The following TMCC3 variants were observed in gnomAD, a reference collection of about 807,000 sequenced individuals.
The protein encoded by TMCC3 is transmembrane and coiled-coil domain family 3.
In TMCC3, 28 loss-of-function variants were observed where a neutral mutation model predicts 40.2. That is an observed-to-expected ratio of 0.70 (90% CI 0.52 to 0.95). The LOEUF (loss-of-function observed/expected upper bound fraction) is 0.95, where lower values mean the gene tolerates loss of function less well. Ranked by LOEUF, TMCC3 falls within the 40% of genes least tolerant of loss-of-function variation. The pLI, the probability that TMCC3 is intolerant of heterozygous loss-of-function variation, is 0.00. For synonymous variants in TMCC3, 255 were observed against 248.5 expected (o/e 1.03, Z -0.25); for missense variants, 554 against 615.2 (o/e 0.90, Z 1.05).
At chr12:94,623,842 C>G (rs529384189) in intron 1 of TMCC3, among the ~76,000 whole-genome samples, 1 of 152,332 alleles carries the variant, frequency 6.6e-6, no homozygotes, top group African/African-American at 2.4e-5. Flanking sequence ...ATGTGCAGTA[C>G]CATCGGCAAA....
intron 1 of TMCC3, among the ~76,000 whole-genome samples, chr12:94,594,812 A>G (rs182591334): frequency 4.9e-4 from 74 of 152,242 alleles, no homozygotes; most frequent in Non-Finnish European, 9.7e-4. Context: ...CCCCTAAAAC[A>G]CACAGGGTGG....
chr12:94,575,771 G>A lies in TMCC3; in HGVS notation c.1131+2623C>T, dbSNP rs2068560685. ...ATGCTCTAAAATAGAACGACTTCGT[G>A]AAGCAATTGTACTGTTCACTTGGCA... On this transcript the variant is annotated intron_variant, in intron 3 of 3. Coordinates refer to ENST00000261226, the MANE Select transcript of TMCC3 (RefSeq NM_020698.4). Among the ~76,000 whole-genome samples the A allele has an allele frequency of 2.0e-5, 3 of 152,118 alleles. No homozygotes were observed. In the South Asian group the frequency reaches 6.2e-4, roughly 32 times the overall value.
chr12:94,577,263 A>G (rs2068571093), intron 3 of TMCC3, among the ~76,000 whole-genome samples: 1 of 152,058 alleles, frequency 6.6e-6, no homozygotes, highest in Non-Finnish European at 1.5e-5. Context: ...ATCTCGGCTC[A>G]TTGCAACCTC....
intron 1 of TMCC3, among the ~76,000 whole-genome samples, chr12:94,597,155 A>ATATG (rs1220781609): frequency 7.0e-5 from 1 of 14,350 alleles, no homozygotes; most frequent in East Asian, 8.6e-4. Flanking sequence ...ATATATATAT[A>ATATG]TATGTATATA....
rs12304755 is a variant in TMCC3 at position 94,586,967 on chromosome 12, T to G, written c.79-4429A>C. On this transcript the variant is annotated intron_variant, in intron 1 of 3. Coordinates refer to ENST00000261226, the MANE Select transcript of TMCC3 (RefSeq NM_020698.4). Reference sequence around the variant, plus strand: ...GGAACTATTACTGGGCTGCTCCTTTTGCCCTTTTATAACCCTAGCTAGCAC... The same window carrying G: ...GGAACTATTACTGGGCTGCTCCTTTGGCCCTTTTATAACCCTAGCTAGCAC... Among the ~76,000 whole-genome samples, 1,127 of 152,368 alleles carry G rather than the reference T, an allele frequency of 7.4e-3. 10 individuals carry two copies. The highest frequency in any genetic ancestry group is 0.026 in the African/African-American group (1,073 of 41,590).
chr12:94,582,231 A>G lies in TMCC3; in HGVS notation c.386T>C (p.Leu129Pro). The stretch of plus-strand genomic sequence containing the variant: ...ATGATACTGCTCTAACTTCTTCTGC[A>G]GCTGGGCGATGGAGTGAGCTGATTT... ...NQKSAHSIAQLQKKLEQYHRK... is the reference protein window; with the variant it reads ...NQKSAHSIAQPQKKLEQYHRK... Residue 129 changes from leucine (L) to proline (P), a missense_variant, in exon 2 of 4, where the codon CTG becomes CCG. Transcript: ENST00000261226. 3.7e-6 allele frequency: 6 copies of G among 1,614,186 alleles called. No homozygotes were observed. The highest frequency in any genetic ancestry group is 5.1e-6 in the Non-Finnish European group (6 of 1,180,038).
At position 94,624,237 on chromosome 12, in the gene TMCC3, G is replaced by A. The variant is rs1200914587; in HGVS notation, c.78+26116C>T. ...AAACACTCTGGCAGTTCCTCCAAAG[G>A]TTAAACAGAATTACCATATGACCCA... On this transcript the variant is annotated intron_variant, in intron 1 of 3. Transcript: ENST00000261226. 2.6e-5 allele frequency among the ~76,000 whole-genome samples: 4 copies of A among 152,254 alleles called. No individual in the cohort carries two copies. The East Asian group carries it at 7.7e-4, about 29-fold the overall frequency.
chr12:94,571,168 C>A lies in TMCC3; in HGVS notation c.*267G>T. On this transcript the variant is annotated 3_prime_UTR_variant, in exon 4 of 4. Transcript: ENST00000261226. ...TCTCAATATACAGAGGTTTACCACGCTGGGCTGGTCAGGTGGGCAGGAAAT... is the reference window on the plus strand; with the variant it reads ...TCTCAATATACAGAGGTTTACCACGATGGGCTGGTCAGGTGGGCAGGAAAT... 2.1e-6 allele frequency: 1 copy of A among 478,400 alleles called. No individual in the cohort carries two copies. The highest frequency in any genetic ancestry group is 3.8e-6 in the Non-Finnish European group (1 of 264,614). 29.6% of individuals were successfully genotyped at this position (478,400 alleles called of 1,614,324 possible). A position where few individuals can be genotyped will look rare whatever the true frequency, so the allele number is the denominator to read the frequency against.
At chr12:94,622,655 A>G (rs2138869511) in intron 1 of TMCC3, among the ~76,000 whole-genome samples, 1 of 152,286 alleles carries the variant, frequency 6.6e-6, no homozygotes. Flanking sequence ...ATCTGGTCGG[A>G]CATTTTCCAT....
intron 1 of TMCC3, among the ~76,000 whole-genome samples, chr12:94,635,822 A>G (rs1320912281): frequency 1.3e-5 from 2 of 152,076 alleles, no homozygotes; most frequent in Admixed American, 6.5e-5. Flanking sequence ...GCCCGCCACC[A>G]TGCCCAGCTA....
intron 1 of TMCC3, among the ~76,000 whole-genome samples, chr12:94,619,078 C>T (rs77281774): frequency 0.011 from 1,690 of 152,272 alleles, 16 homozygotes; most frequent in Non-Finnish European, 0.018. Flanking sequence ...ACTACTGAGA[C>T]GTAATCCTTT....
chr12:94,611,212 T>A (rs1362883937), intron 1 of TMCC3, among the ~76,000 whole-genome samples: 1 of 152,152 alleles, frequency 6.6e-6, no homozygotes, highest in Non-Finnish European at 1.5e-5. Context: ...AAAAGAGAAA[T>A]TTTAAATCCC....
intron 1 of TMCC3, among the ~76,000 whole-genome samples, chr12:94,609,301 C>T (rs971762424): frequency 6.6e-6 from 1 of 152,092 alleles, no homozygotes; most frequent in African/African-American, 2.4e-5. Flanking sequence ...AGTAGCAAGC[C>T]AGGGTTTGAA....
Position 94,614,658 on chromosome 12 carries a change from G to A in TMCC3, c.79-32120C>T, listed in dbSNP as rs550551206. 1.9e-3 allele frequency among the ~76,000 whole-genome samples: 294 copies of A among 152,188 alleles called. 1 individual carries two copies. Among genetic ancestry groups the A allele is most frequent in the African/African-American group, 6.8e-3 (281 of 41,506 alleles). The stretch of plus-strand genomic sequence containing the variant: ...TTCCAATTGAAACTGTGTGCATCAA[G>A]CTCTGTCAACTGTTGCACTCACAGT... On this transcript the variant is annotated intron_variant, in intron 1 of 3. Coordinates refer to ENST00000261226, the MANE Select transcript of TMCC3 (RefSeq NM_020698.4).
intron 3 of TMCC3, 82 bp downstream of exon 3, chr12:94,578,312 T>G: frequency 1.3e-6 from 2 of 1,500,998 alleles, no homozygotes; most frequent in South Asian, 2.6e-5. Context: ...CTCTAGGACT[T>G]AGGCATAAAC....
chr12:94,571,712 C>T lies in TMCC3; in HGVS notation c.1157G>A (p.Arg386His), dbSNP rs145957204. 1,105 of 1,613,986 alleles carry T rather than the reference C, an allele frequency of 6.8e-4. No homozygotes were observed. Among genetic ancestry groups the T allele is most frequent in the Non-Finnish European group, 8.8e-4 (1,034 of 1,179,952 alleles). ...CTGGTGGAGCTCCAGCTTAGAAATG[C>T]GAGTCTGGCAGGATTCCAAGGCTTC... ...IQEALESCQT[R>H]ISKLELHQQE... The change falls in exon 4 of 4, where the codon CGC becomes CAC. Residue 386 changes from arginine to histidine, a missense_variant. Physicochemically the swap from Arg to His is conservative, Grantham distance 29. Transcript: ENST00000261226.
rs200850343 is a variant in TMCC3 at position 94,598,564 on chromosome 12, T to TA, written c.79-16027dup. 2,078 of 984,982 alleles carry TA rather than the reference T, an allele frequency of 2.1e-3. 24 individuals carry two copies. In the African/African-American group the frequency reaches 0.027, roughly 13 times the overall value. 61.0% of individuals were successfully genotyped at this position (984,982 alleles called of 1,614,324 possible). The stretch of plus-strand genomic sequence containing the variant: ...TTAAATCCCAAGATACCTTGCATAA[T>TA]AAAAAAATGTGGGTTACTTCTGTTT... On this transcript the variant is annotated intron_variant, in intron 1 of 3. Transcript: ENST00000261226.
chr12:94,580,661 G>A (rs1443608090), intron 2 of TMCC3, among the ~76,000 whole-genome samples: 1 of 152,160 alleles, frequency 6.6e-6, no homozygotes, highest in African/African-American at 2.4e-5. Flanking sequence ...CTTGAAACCA[G>A]AAGGCAGAGG....
At chr12:94,583,329 A>AC (rs2068618732) in intron 1 of TMCC3, among the ~76,000 whole-genome samples, 1 of 151,810 alleles carries the variant, frequency 6.6e-6, no homozygotes. Context: ...ACATGGTGAA[A>AC]CCCCATCTCT....
Sources: allele counts gnomAD v4.1 joint callset (sites outside exome capture counted in the v4.1 genomes callset), GRCh38; gene constraint gnomAD v4.1.1; transcripts MANE v1.5; gene names NCBI Gene and HGNC (gene_info 2026-07-23, HGNC 2026-07-21).